WDR35: variants seen among roughly 807,000 people sequenced by gnomAD.
WDR35 encodes the protein WD repeat-containing protein 35.
A neutral mutation model predicts 158.3 loss-of-function variants in WDR35; 118 were observed. The ratio of observed to expected loss-of-function variants is 0.75; its 90% CI spans 0.64 to 0.87. The LOEUF is 0.87. WDR35 is among the 40% of genes least tolerant of loss of function. The pLI, the probability that WDR35 is intolerant of heterozygous loss-of-function variation, is 0.00. For missense variants in WDR35, 1,263 were observed against 1,405.8 expected (o/e 0.90, Z 1.62); for synonymous variants, 448 against 476.1 (o/e 0.94, Z 0.77).
chr2:19,957,855 GA>G (rs1309438949), intron 11 of WDR35, among the ~76,000 whole-genome samples: 1 of 151,882 alleles, frequency 6.6e-6, no homozygotes, highest in Non-Finnish European at 1.5e-5. Context: ...GCCCAGCTTG[GA>G]AAAAAAGTTT....
chr2:19,984,688 G>C (rs868621837), intron 2 of WDR35, among the ~76,000 whole-genome samples: 4 of 152,188 alleles, frequency 2.6e-5, no homozygotes, highest in Non-Finnish European at 1.5e-5. Flanking sequence ...TAGAAGAACA[G>C]AAGATCATGC....
chr2:19,931,863 T>TA (rs1670536263), intron 23 of WDR35, among the ~76,000 whole-genome samples: 1 of 152,128 alleles, frequency 6.6e-6, no homozygotes, highest in South Asian at 2.1e-4. Flanking sequence ...GGGAATAGAA[T>TA]AGAAGGTAAA....
chr2:19,956,486 A>C (rs1440279583), intron 11 of WDR35, among the ~76,000 whole-genome samples: 1 of 152,202 alleles, frequency 6.6e-6, no homozygotes, highest in East Asian at 1.9e-4. Flanking sequence ...TACTTACTGT[A>C]AGTTGAAAAT....
At chr2:19,955,841 G>A (rs1038261544) in intron 11 of WDR35, among the ~76,000 whole-genome samples, 1 of 152,068 alleles carries the variant, frequency 6.6e-6, no homozygotes, top group Admixed American at 6.5e-5. Flanking sequence ...TTAATTGAGT[G>A]GGTTAACAAC....
intron 24 of WDR35, 106 bp from the exon 25 acceptor site, chr2:19,930,658 A>G: frequency 6.6e-7 from 1 of 1,516,522 alleles, no homozygotes; most frequent in Admixed American, 1.8e-5. Context: ...AGATTTTATC[A>G]TTACAAAACT....
intron 14 of WDR35, among the ~76,000 whole-genome samples, chr2:19,947,907 C>T (rs1283156550): frequency 1.3e-5 from 2 of 152,054 alleles, no homozygotes; most frequent in African/African-American, 4.8e-5. Context: ...ATTTCTCATA[C>T]TGAACTTATA....
In WDR35 at chr2:19,945,807, A is replaced by C. The variant is rs145227520; in HGVS notation, c.1824T>G (p.Val608=). The part of the protein sequence containing the change: ...FAMMEKTRMY[V]FRNLDPEEPI... ...TTACCTCAGGATCCAAGTTTCTGAA[A>C]ACATACATTCTTGTCTTCTCCATCA... The change falls in exon 16 of 27, where the codon GTT becomes GTG. Residue 608 remains valine, a synonymous_variant. Transcript: ENST00000281405. 3 of 1,613,874 alleles carry C rather than the reference A, an allele frequency of 1.9e-6. No individual in the cohort carries two copies. In the African/African-American group the frequency reaches 4.0e-5, roughly 22 times the overall value.
intron 2 of WDR35, among the ~76,000 whole-genome samples, chr2:19,984,645 G>C (rs750863438): frequency 3.9e-5 from 6 of 152,220 alleles, no homozygotes; most frequent in Non-Finnish European, 5.9e-5. Context: ...AAATTAAGGT[G>C]TAATAAAGCA....
Position 19,938,320 on chromosome 2 carries a change from C to T in WDR35, c.2008G>A (p.Val670Ile). Residue 670 changes from valine (V) to isoleucine (I), a missense_variant, in exon 18 of 27, where the codon GTT becomes ATT. Physicochemically the swap from Val to Ile is conservative, Grantham distance 29. Coordinates refer to ENST00000281405, the MANE Select transcript of WDR35 (RefSeq NM_020779.4). ...LRDSRALIEK[V>I]GIKDASQFIE... ...AACTGAGATGCATCTTTAATTCCAA[C>T]CTTCTCAATCAGTGCTCGGCTATCT... 1 of 1,614,016 alleles carries T rather than the reference C, an allele frequency of 6.2e-7. No homozygotes were observed. Among genetic ancestry groups the T allele is most frequent in the South Asian group, 1.1e-5 (1 of 91,078 alleles).
intron 12 of WDR35, among the ~76,000 whole-genome samples, chr2:19,953,504 T>G (rs1671316219): frequency 6.6e-6 from 1 of 152,160 alleles, no homozygotes; most frequent in Admixed American, 6.5e-5. Flanking sequence ...GAATAAACCC[T>G]TAGTTAGATC....
intron 22 of WDR35, 52 bp downstream of exon 22, chr2:19,933,349 T>C: frequency 1.3e-6 from 2 of 1,508,158 alleles, no homozygotes; most frequent in Non-Finnish European, 9.2e-7. Context: ...TTGCTTTGAC[T>C]TAAAAATTCC....
At chr2:19,965,266 GCTT>G in intron 10 of WDR35, among the ~76,000 whole-genome samples, 1 of 152,298 alleles carries the variant, frequency 6.6e-6, no homozygotes, top group Non-Finnish European at 1.5e-5. Context: ...CACAGTCTCT[GCTT>G]CTTCCAAGTT....
At chr2:19,918,236 A>G (rs1354194172) in intron 25 of WDR35, among the ~76,000 whole-genome samples, 1 of 152,246 alleles carries the variant, frequency 6.6e-6, no homozygotes, top group Non-Finnish European at 1.5e-5. Context: ...AGAGCTCCTG[A>G]AGGAAGCACT....
chr2:19,982,470 A>C lies in WDR35; in HGVS notation c.207T>G (p.Gly69=), dbSNP rs1011769076. The change falls in exon 3 of 27, where the codon GGT becomes GGG. Residue 69 remains glycine, a synonymous_variant. Transcript: ENST00000281405. ...SNLSMNQTLE[G]HSGSVQVVTW... is the part of the protein sequence containing the mutation. Reference sequence around the variant, plus strand: ...AGAAATTGAATGACTCACCACTATGACCTTCAAGAGTCTGATTCATAGAAA... The same window carrying C: ...AGAAATTGAATGACTCACCACTATGCCCTTCAAGAGTCTGATTCATAGAAA... 1.2e-6 allele frequency: 2 copies of C among 1,613,750 alleles called. No individual in the cohort carries two copies. The highest frequency in any genetic ancestry group is 1.7e-6 in the Non-Finnish European group (2 of 1,179,832).
At chr2:19,983,122 T>C (rs1324342988) in intron 2 of WDR35, among the ~76,000 whole-genome samples, 1 of 152,064 alleles carries the variant, frequency 6.6e-6, no homozygotes, top group Non-Finnish European at 1.5e-5. Context: ...GAAAGCATAA[T>C]AAGAAAGAGT....
At chr2:19,982,676 A>C in intron 2 of WDR35, 142 bp from the exon 3 acceptor site, 2 of 871,290 alleles carry the variant, frequency 2.3e-6, no homozygotes, top group Non-Finnish European at 3.5e-6. Flanking sequence ...CATGGTATAA[A>C]CATGAACAAT....
chr2:19,962,168 T>C (rs1671685270), intron 10 of WDR35: 1 of 937,598 alleles, frequency 1.1e-6, no homozygotes, highest in South Asian at 1.6e-5. Flanking sequence ...TATTTTTATC[T>C]GTTAATTCCA....
chr2:19,947,621 T>A (rs910770461), intron 14 of WDR35, among the ~76,000 whole-genome samples: 1 of 152,218 alleles, frequency 6.6e-6, no homozygotes, highest in African/African-American at 2.4e-5. Context: ...GGCAAACATG[T>A]TACCTCGTCA....
intron 8 of WDR35, among the ~76,000 whole-genome samples, chr2:19,970,993 A>G (rs1672019223): frequency 6.6e-6 from 1 of 152,238 alleles, no homozygotes; most frequent in Non-Finnish European, 1.5e-5. Context: ...ATAAACTGAT[A>G]GTCAATATAT....
Sources: allele counts gnomAD v4.1 joint callset (sites outside exome capture counted in the v4.1 genomes callset), GRCh38; gene constraint gnomAD v4.1.1; transcripts MANE v1.5; gene names NCBI Gene and HGNC (gene_info 2026-07-23, HGNC 2026-07-21).